The following HTT-AS variants were observed in gnomAD, a reference collection of about 807,000 sequenced individuals.
HTT-AS encodes HTT antisense RNA, also known as HTT antisense RNA (head to head).
intron 1 of HTT-AS, among the ~76,000 whole-genome samples, chr4:3,066,818 C>T (rs9993542): frequency 0.12 from 18,879 of 152,124 alleles, 1,702 homozygotes; most frequent in African/African-American, 0.25. Context: ...CAATGTCCAG[C>T]ACACAAACAC....
intron 1 of HTT-AS, chr4:3,070,027 G>A (rs1712134647): frequency 6.6e-6 from 1 of 152,374 alleles, no homozygotes; most frequent in East Asian, 1.9e-4. Context: ...GCCCAGGCTG[G>A]TGTGCACCCC....
intron 2 of HTT-AS, among the ~76,000 whole-genome samples, chr4:3,052,889 G>T (rs954650720): frequency 3.3e-5 from 5 of 152,322 alleles, no homozygotes; most frequent in Admixed American, 1.3e-4. Context: ...CCAGCTATTT[G>T]GGAGGCTGAG....
At chr4:3,050,598 A>T (rs1470807517) in intron 2 of HTT-AS, among the ~76,000 whole-genome samples, 1 of 152,204 alleles carries the variant, frequency 6.6e-6, no homozygotes. Context: ...TGTGGAAATG[A>T]CTTTAAATAG....
chr4:3,064,390 G>C (rs61791253), intron 1 of HTT-AS, among the ~76,000 whole-genome samples: 10,126 of 151,938 alleles, frequency 0.067, 431 homozygotes, highest in African/African-American at 0.12. Context: ...CACCGTGCCT[G>C]GCCAAAAGAC....
At chr4:3,064,863 ATC>A (rs1257040646) in intron 1 of HTT-AS, among the ~76,000 whole-genome samples, 2 of 147,146 alleles carry the variant, frequency 1.4e-5, no homozygotes, top group Non-Finnish European at 3.0e-5. Context: ...CTTCATACCA[ATC>A]TCTTTTATGA....
chr4:3,070,118 C>T (rs184321297), intron 1 of HTT-AS: 12 of 152,446 alleles, frequency 7.9e-5, no homozygotes, highest in African/African-American at 1.9e-4. Flanking sequence ...CTTAGCTCCC[C>T]GCCCAGTGAG....
chr4:3,062,682 C>T (rs1711956726), exon 2 of HTT-AS, among the ~76,000 whole-genome samples: 2 of 151,938 alleles, frequency 1.3e-5, no homozygotes, highest in South Asian at 2.1e-4. Context: ...CACCACTGTG[C>T]ACTGCTGAGG....
intron 1 of HTT-AS, among the ~76,000 whole-genome samples, chr4:3,072,178 AGAGCTCAGCCGG>A (rs1416040956): frequency 4.6e-5 from 7 of 152,224 alleles, no homozygotes; most frequent in Non-Finnish European, 8.8e-5. Context: ...CTCCCACCTG[AGAGCTCAGCCGG>A]GGAAGGGTCC....
chr4:3,055,399 T>C lies in HTT-AS; in HGVS notation n.1381-5701A>G, dbSNP rs138704359. Among the ~76,000 whole-genome samples the C allele has an allele frequency of 3.6e-3, 548 of 152,228 alleles. 1 individual carries two copies. The highest frequency in any genetic ancestry group is 6.3e-3 in the Non-Finnish European group (429 of 68,004). The stretch of plus-strand genomic sequence containing the variant: ...ACTGAGGGGAGGGCCTCTAACCCAA[T>C]CCCATGCTTTACTTAGGTAAAATGT... On this transcript the variant is annotated intron_variant and non_coding_transcript_variant, in intron 2 of 2. Coordinates refer to ENST00000664062, the Ensembl canonical transcript of HTT-AS.
chr4:3,061,974 T>A (rs1711934383), intron 2 of HTT-AS, among the ~76,000 whole-genome samples: 1 of 114,770 alleles, frequency 8.7e-6, no homozygotes. Flanking sequence ...AGGGCAAGAC[T>A]CTATCTCAAA....
chr4:3,063,577 CA>C (rs1226858405), exon 2 of HTT-AS: 13 of 152,398 alleles, frequency 8.5e-5, no homozygotes, highest in Admixed American at 2.0e-4. Flanking sequence ...AGACTCCTGG[CA>C]GCTCAAACGG....
chr4:3,061,006 G>A (rs1711916448), intron 2 of HTT-AS, among the ~76,000 whole-genome samples: 1 of 152,186 alleles, frequency 6.6e-6, no homozygotes, highest in Non-Finnish European at 1.5e-5. Flanking sequence ...CTCTATAGGA[G>A]ACAGCTATTC....
intron 2 of HTT-AS, among the ~76,000 whole-genome samples, chr4:3,049,952 A>C (rs1711672400): frequency 7.1e-6 from 1 of 141,488 alleles, no homozygotes. Flanking sequence ...ACACACATAT[A>C]CACTTTTTTT....
chr4:3,067,842 G>A (rs1712083974), intron 1 of HTT-AS, among the ~76,000 whole-genome samples: 1 of 152,138 alleles, frequency 6.6e-6, no homozygotes, highest in African/African-American at 2.4e-5. Context: ...AGGGCCATCT[G>A]GCCAACAAGC....
chr4:3,072,162 A>G (rs79116692), intron 1 of HTT-AS, among the ~76,000 whole-genome samples: 2,995 of 152,342 alleles, frequency 0.02, 77 homozygotes, highest in African/African-American at 0.065. Context: ...GTCAAATACC[A>G]GCTGCCTCCC....
chr4:3,073,380 A>C (rs1211032924), intron 1 of HTT-AS, among the ~76,000 whole-genome samples: 28 of 152,126 alleles, frequency 1.8e-4, no homozygotes, highest in Admixed American at 1.8e-3. Context: ...GGAGACCAGG[A>C]CCCTGCCCGC....
chr4:3,062,419 C>T (rs1017521797), intron 2 of HTT-AS, among the ~76,000 whole-genome samples: 7 of 152,158 alleles, frequency 4.6e-5, no homozygotes, highest in African/African-American at 1.7e-4. Flanking sequence ...CCCTCCCTTC[C>T]CCTGGAGTAC....
At chr4:3,064,266 T>C (rs1712000616) in intron 1 of HTT-AS, among the ~76,000 whole-genome samples, 1 of 152,002 alleles carries the variant, frequency 6.6e-6, no homozygotes, top group Non-Finnish European at 1.5e-5. Flanking sequence ...TGGCTAATTT[T>C]TGTATTTTTA....
intron 1 of HTT-AS, among the ~76,000 whole-genome samples, chr4:3,072,788 C>A (rs910497031): frequency 6.6e-6 from 1 of 152,246 alleles, no homozygotes; most frequent in South Asian, 2.1e-4. Flanking sequence ...CCACTACACC[C>A]GGCTAATTTT....
Sources: gnomAD v4.1 joint callset for allele counts (sites outside exome capture counted in the v4.1 genomes callset) on GRCh38, gnomAD v4.1.1 for gene constraint, MANE v1.5 for transcripts, NCBI Gene and HGNC (gene_info 2026-07-23, HGNC 2026-07-21) for gene names.